Variants in POLN observed in about 807,000 individuals in gnomAD.
The protein encoded by POLN is DNA polymerase nu.
Under a neutral mutation model 113.5 loss-of-function variants are expected in POLN, and 108 were observed. That is an observed-to-expected ratio of 0.95 (90% CI 0.81 to 1.12). The LOEUF is 1.12. Among genes scored for constraint, POLN ranks in the 50% most tolerant of loss-of-function variants. The pLI, the probability that POLN is intolerant of heterozygous loss-of-function variation, is 0.00. For missense variants in POLN, 1,097 were observed against 1,077.1 expected (o/e 1.02, Z -0.26); for synonymous variants, 386 against 391.5 (o/e 0.99, Z 0.17).
intron 10 of POLN, 84 bp downstream of exon 10, chr4:2,174,607 G>A: frequency 1.7e-6 from 2 of 1,153,722 alleles, no homozygotes; most frequent in South Asian, 2.5e-5. Context: ...CTACTCCTAA[G>A]TAAGGTATGG....
intron 19 of POLN, among the ~76,000 whole-genome samples, chr4:2,125,957 T>C (rs1731568647): frequency 6.6e-6 from 1 of 151,606 alleles, no homozygotes; most frequent in South Asian, 2.1e-4. Flanking sequence ...CCGATTGGGG[T>C]GGAGGCCACT....
intron 7 of POLN, among the ~76,000 whole-genome samples, chr4:2,191,477 A>G (rs1033566250): frequency 2.6e-5 from 4 of 152,218 alleles, no homozygotes; most frequent in Admixed American, 6.5e-5. Context: ...CAAAATAGCT[A>G]GTAAAGGAAA....
At chr4:2,090,391 A>G in intron 20 of POLN, 1 of 646,602 alleles carries the variant, frequency 1.5e-6, no homozygotes, top group Non-Finnish European at 2.8e-6. Context: ...AGCTTGATTA[A>G]ATCCACTGAG....
intron 4 of POLN, among the ~76,000 whole-genome samples, chr4:2,210,124 T>C (rs112820326): frequency 3.2e-4 from 48 of 152,028 alleles, no homozygotes; most frequent in African/African-American, 1.1e-3. Context: ...TTTATACTTG[T>C]ATTTTTATTG....
chr4:2,210,042 T>G (rs1254237507), intron 4 of POLN, among the ~76,000 whole-genome samples: 3 of 150,082 alleles, frequency 2.0e-5, no homozygotes, highest in Non-Finnish European at 4.4e-5. Flanking sequence ...AATAACTATA[T>G]TAACATTACC....
At chr4:2,238,956 CTTTTA>C (rs1370301343) in intron 2 of POLN, 1 of 1,598,306 alleles carries the variant, frequency 6.3e-7, no homozygotes, top group East Asian at 2.2e-5. Flanking sequence ...AAACTTCTGT[CTTTTA>C]TTTGAGTGAC....
Position 2,173,957 on chromosome 4 carries a change from C to T in POLN, c.1372G>A (p.Gly458Arg), listed in dbSNP as rs1375937536. 10 of 1,613,924 alleles carry T rather than the reference C, an allele frequency of 6.2e-6. No individual in the cohort carries two copies. Among genetic ancestry groups the T allele is most frequent in the Non-Finnish European group, 7.6e-6 (9 of 1,179,900 alleles). Residue 458 changes from glycine (G) to arginine (R), a missense_variant and splice_region_variant, in exon 11 of 26, where the codon GGG (glycine) becomes AGG (arginine). Coordinates refer to ENST00000511885, the MANE Select transcript of POLN (RefSeq NM_181808.4). ...AACCATCTGGAATAATAACTTACCC[C>T]AAGAAGTGCTGACGTCTTCTCCATC... ...EEMEKTSALL[G>R]ARLKELEQEA... is the part of the protein sequence containing the mutation.
intron 13 of POLN, among the ~76,000 whole-genome samples, chr4:2,165,785 T>TC (rs1217972586): frequency 6.7e-6 from 1 of 150,184 alleles, no homozygotes; most frequent in East Asian, 1.9e-4. Context: ...AAAATAGTCT[T>TC]TTTTTTTTTG....
At chr4:2,176,191 TG>T in intron 9 of POLN, 74 bp downstream of exon 9, 1 of 1,201,132 alleles carries the variant, frequency 8.3e-7, no homozygotes. Context: ...TCAAACTCCC[TG>T]GGAGTGCGGG....
chr4:2,076,981 T>C (rs1259198567), intron 23 of POLN: 1 of 152,092 alleles, frequency 6.6e-6, no homozygotes. Flanking sequence ...AGGACTGCAT[T>C]CCCTTCAACT....
In POLN at chr4:2,176,262, T is replaced by G. The variant is rs766003632; in HGVS notation, c.1248+4A>C. The G allele has an allele frequency of 1.2e-6, 2 of 1,601,784 alleles. No individual in the cohort carries two copies. Among genetic ancestry groups the G allele is most frequent in the Non-Finnish European group, 1.7e-6 (2 of 1,171,908 alleles). ...CAGCCAGAAATTATAATAAAATGCC[T>G]TGCCTTCAGTTTAGAGCAAAGGTCC... On this transcript the variant is annotated splice_donor_region_variant and intron_variant, in intron 9 of 25. Coordinates refer to ENST00000511885, the MANE Select transcript of POLN (RefSeq NM_181808.4).
At chr4:2,211,504 G>A (rs537383362) in intron 4 of POLN, among the ~76,000 whole-genome samples, 21 of 152,108 alleles carry the variant, frequency 1.4e-4, no homozygotes, top group South Asian at 8.3e-4. Context: ...GTCCAGGTAT[G>A]GGGGCTCATA....
At chr4:2,161,623 C>T (rs1204803796) in intron 13 of POLN, among the ~76,000 whole-genome samples, 1 of 152,234 alleles carries the variant, frequency 6.6e-6, no homozygotes, top group African/African-American at 2.4e-5. Context: ...CGCCCAGTCC[C>T]ATCGACCACC....
chr4:2,096,246 T>C (rs1274793481), intron 19 of POLN, among the ~76,000 whole-genome samples: 2 of 152,202 alleles, frequency 1.3e-5, no homozygotes, highest in Admixed American at 6.5e-5. Context: ...GGAAAGGCCG[T>C]TCCCCATATT....
intron 7 of POLN, among the ~76,000 whole-genome samples, chr4:2,188,347 T>G (rs964026645): frequency 6.6e-6 from 1 of 152,118 alleles, no homozygotes; most frequent in Non-Finnish European, 1.5e-5. Flanking sequence ...ACGCCTGTAA[T>G]CCCAGCACTT....
intron 16 of POLN, among the ~76,000 whole-genome samples, chr4:2,142,288 C>T (rs1470590992): frequency 6.6e-6 from 1 of 152,234 alleles, no homozygotes; most frequent in Non-Finnish European, 1.5e-5. Flanking sequence ...AACTCCCTCT[C>T]CCTCTGAAGT....
chr4:2,161,703 G>C (rs1732596751), intron 13 of POLN, among the ~76,000 whole-genome samples: 2 of 152,246 alleles, frequency 1.3e-5, no homozygotes, highest in African/African-American at 4.8e-5. Flanking sequence ...CCCTGTGCGA[G>C]ATCCGCTGGG....
intron 7 of POLN, among the ~76,000 whole-genome samples, chr4:2,180,067 G>A (rs1042019036): frequency 1.3e-5 from 2 of 152,190 alleles, no homozygotes; most frequent in Admixed American, 6.5e-5. Flanking sequence ...AATGTGTGGC[G>A]CTTTGGTACT....
chr4:2,114,635 A>C (rs1731274458), intron 19 of POLN, among the ~76,000 whole-genome samples: 1 of 152,122 alleles, frequency 6.6e-6, no homozygotes, highest in Admixed American at 6.6e-5. Flanking sequence ...TATACACATG[A>C]TGTGTCTTTT....
Sources: gnomAD v4.1 joint callset for allele counts (sites outside exome capture counted in the v4.1 genomes callset) on GRCh38, gnomAD v4.1.1 for gene constraint, MANE v1.5 for transcripts, NCBI Gene and HGNC (gene_info 2026-07-23, HGNC 2026-07-21) for gene names.